Variants in MAPK4 observed in about 807,000 individuals in gnomAD.
MAPK4 encodes the protein Erk3-related.
A neutral mutation model predicts 47.7 loss-of-function variants in MAPK4; 22 were observed. The observed-to-expected ratio is 0.46, with a 90% confidence interval of 0.33 to 0.66. The LOEUF (loss-of-function observed/expected upper bound fraction) is 0.66, where lower values mean the gene tolerates loss of function less well. MAPK4 is among the 30% of genes least tolerant of loss of function. The pLI is 0.02. For synonymous variants in MAPK4, 390 were observed against 365.7 expected, an observed-to-expected ratio of 1.07 and a Z score of -0.76; for missense variants, 736 against 831.7, an observed-to-expected ratio of 0.88 and a Z score of 1.42.
intron 2 of MAPK4, among the ~76,000 whole-genome samples, chr18:50,694,788 A>C (rs1046506887): frequency 6.6e-6 from 1 of 151,992 alleles, no homozygotes. Flanking sequence ...ATCCACACCA[A>C]CCTCAGTGAG....
intron 1 of MAPK4, among the ~76,000 whole-genome samples, chr18:50,575,532 CA>C (rs1156384398): frequency 1.3e-5 from 2 of 151,654 alleles, no homozygotes; most frequent in African/African-American, 4.8e-5. Flanking sequence ...GGAGAGACAG[CA>C]AAAGAAATTC....
intron 4 of MAPK4, among the ~76,000 whole-genome samples, chr18:50,725,522 A>G (rs1392618428): frequency 6.6e-6 from 1 of 152,130 alleles, no homozygotes; most frequent in Non-Finnish European, 1.5e-5. Flanking sequence ...CGCAAGGGGA[A>G]CCACCTCTGA....
At chr18:50,570,382 C>A (rs8089517) in intron 1 of MAPK4, among the ~76,000 whole-genome samples, 3 of 152,062 alleles carry the variant, frequency 2.0e-5, no homozygotes, top group Admixed American at 6.5e-5. Context: ...AGCCCCATCT[C>A]GAACCTGCTT....
Position 50,728,617 on chromosome 18 carries a change from C to T in MAPK4, c.1068-541C>T, listed in dbSNP as rs531123268. 3.3e-5 allele frequency among the ~76,000 whole-genome samples: 5 copies of T among 152,294 alleles called. No individual in the cohort carries two copies. The South Asian group carries it at 1.0e-3, about 32-fold the overall frequency. Reference sequence around the variant, plus strand: ...TTTTATTTTTAATTCCCCTATGTGACTCTAATCTGATCCAGGGTTGAGAAG... The same window carrying T: ...TTTTATTTTTAATTCCCCTATGTGATTCTAATCTGATCCAGGGTTGAGAAG... On this transcript the variant is annotated intron_variant, in intron 5 of 5. Transcript: ENST00000400384.
intron 1 of MAPK4, among the ~76,000 whole-genome samples, chr18:50,598,806 C>T (rs1202361143): frequency 2.0e-5 from 3 of 152,110 alleles, no homozygotes; most frequent in Non-Finnish European, 4.4e-5. Flanking sequence ...TTGAGGAGTA[C>T]TAGTCAGATG....
At chr18:50,723,669 C>T (rs1368438309) in intron 4 of MAPK4, among the ~76,000 whole-genome samples, 1 of 152,116 alleles carries the variant, frequency 6.6e-6, no homozygotes. Context: ...TTCAGGCCAG[C>T]CTGGGCAACA....
chr18:50,582,590 T>C (rs1421541349), intron 1 of MAPK4, among the ~76,000 whole-genome samples: 1 of 152,252 alleles, frequency 6.6e-6, no homozygotes, highest in Non-Finnish European at 1.5e-5. Context: ...TAGAATTCCT[T>C]TGGTGCTGCT....
intron 1 of MAPK4, among the ~76,000 whole-genome samples, chr18:50,573,637 C>T (rs184576587): frequency 3.3e-5 from 5 of 152,268 alleles, no homozygotes; most frequent in African/African-American, 9.6e-5. Context: ...ATCTCCCATA[C>T]CCAGCCCTGT....
At chr18:50,683,282 G>A (rs1397708661) in intron 2 of MAPK4, among the ~76,000 whole-genome samples, 3 of 151,980 alleles carry the variant, frequency 2.0e-5, no homozygotes, top group African/African-American at 7.3e-5. Flanking sequence ...ACCATGCCCA[G>A]CTAATTTTTA....
At chr18:50,708,609 C>T (rs1467113844) in intron 2 of MAPK4, among the ~76,000 whole-genome samples, 1 of 152,182 alleles carries the variant, frequency 6.6e-6, no homozygotes, top group Non-Finnish European at 1.5e-5. Context: ...TTAGGGTCTC[C>T]ACCAGGAAGA....
At chr18:50,608,207 C>T (rs2042599072) in intron 1 of MAPK4, among the ~76,000 whole-genome samples, 2 of 152,198 alleles carry the variant, frequency 1.3e-5, no homozygotes, top group African/African-American at 2.4e-5. Flanking sequence ...CCCCCTGCTC[C>T]TCCTTCACCC....
chr18:50,628,022 C>G (rs994668523), intron 1 of MAPK4, among the ~76,000 whole-genome samples: 1 of 152,100 alleles, frequency 6.6e-6, no homozygotes, highest in Admixed American at 6.5e-5. Flanking sequence ...ACCAGGCCAC[C>G]ACACCCATTG....
At chr18:50,576,500 A>G (rs1310559423) in intron 1 of MAPK4, among the ~76,000 whole-genome samples, 2 of 152,168 alleles carry the variant, frequency 1.3e-5, no homozygotes, top group Non-Finnish European at 2.9e-5. Flanking sequence ...AGAGGGAGGG[A>G]AGAGGATGAG....
chr18:50,646,875 A>G (rs892159843), intron 1 of MAPK4, among the ~76,000 whole-genome samples: 1 of 152,122 alleles, frequency 6.6e-6, no homozygotes, highest in Non-Finnish European at 1.5e-5. Context: ...TCACTCTTCA[A>G]TTTAAATGTC....
intron 2 of MAPK4, among the ~76,000 whole-genome samples, chr18:50,708,471 G>A (rs1486146312): frequency 3.3e-5 from 5 of 152,156 alleles, no homozygotes; most frequent in African/African-American, 1.2e-4. Flanking sequence ...GAACTTGCTG[G>A]TCCAAGTGTG....
rs1910967711 is a variant in MAPK4 at position 50,722,107 on chromosome 18, A to G, written c.853+8A>G. On this transcript the variant is annotated splice_region_variant and intron_variant, in intron 4 of 5. Transcript: ENST00000400384. The stretch of plus-strand genomic sequence containing the variant: ...CTGAAGTGAACAGTGAAGGTACCTG[A>G]GCCTGGCAGCCAGGCCAAGTGTCCT... 2 of 1,607,512 alleles carry G rather than the reference A, an allele frequency of 1.2e-6. No homozygotes were observed. Among genetic ancestry groups the G allele is most frequent in the Non-Finnish European group, 8.5e-7 (1 of 1,177,954 alleles).
chr18:50,638,137 G>A (rs2042904146), intron 1 of MAPK4, among the ~76,000 whole-genome samples: 1 of 152,168 alleles, frequency 6.6e-6, no homozygotes, highest in Non-Finnish European at 1.5e-5. Flanking sequence ...GGCTAATGAT[G>A]AGATGCGATG....
chr18:50,619,761 C>G (rs2042715361), intron 1 of MAPK4, among the ~76,000 whole-genome samples: 4 of 152,356 alleles, frequency 2.6e-5, no homozygotes, highest in Non-Finnish European at 4.4e-5. Context: ...TGGAAACCTA[C>G]TCATAATGCT....
chr18:50,665,015 T>A (rs1412281201), intron 2 of MAPK4, among the ~76,000 whole-genome samples: 1 of 152,200 alleles, frequency 6.6e-6, no homozygotes, highest in Non-Finnish European at 1.5e-5. Context: ...ATTGTTGATC[T>A]GATGAGCTAA....
Sources: allele counts gnomAD v4.1 joint callset (sites outside exome capture counted in the v4.1 genomes callset), GRCh38; gene constraint gnomAD v4.1.1; transcripts MANE v1.5; gene names NCBI Gene and HGNC (gene_info 2026-07-23, HGNC 2026-07-21).